Variants in XRN1 observed in about 807,000 individuals in gnomAD.
XRN1 encodes the protein 5'-3' exoribonuclease 1, also known as strand-exchange protein 1 homolog.
Under a neutral mutation model 222.3 loss-of-function variants are expected in XRN1, and 67 were observed. The observed-to-expected ratio is 0.30, with a 90% CI of 0.25 to 0.37. The LOEUF is 0.37. Among genes scored for constraint, XRN1 ranks in the 10% least tolerant of loss-of-function variants. The pLI is 1.00. For synonymous variants in XRN1, 643 were observed against 652.4 expected (o/e 0.99, Z 0.22); for missense variants, 1,707 against 2,000.2 (o/e 0.85, Z 2.80).
At chr3:142,356,443 C>T (rs2066468219) in intron 31 of XRN1, among the ~76,000 whole-genome samples, 1 of 152,052 alleles carries the variant, frequency 6.6e-6, no homozygotes, top group Non-Finnish European at 1.5e-5. Context: ...GTGTCTCACA[C>T]AAGACAACTC....
intron 16 of XRN1, 39 bp from the exon 17 acceptor site, chr3:142,404,028 C>A: frequency 6.8e-7 from 1 of 1,467,566 alleles, no homozygotes; most frequent in Admixed American, 1.8e-5. Flanking sequence ...AAAATTAATA[C>A]ATTACAAACA....
chr3:142,339,881 C>T (rs2065944401), intron 33 of XRN1, among the ~76,000 whole-genome samples: 1 of 152,050 alleles, frequency 6.6e-6, no homozygotes, highest in South Asian at 2.1e-4. Flanking sequence ...CTAGATAACA[C>T]AGAGAAAGAA....
intron 16 of XRN1, 71 bp downstream of exon 16, chr3:142,404,836 C>G: frequency 1.4e-6 from 2 of 1,459,258 alleles, no homozygotes; most frequent in Non-Finnish European, 1.9e-6. Context: ...CAAAGCTCCC[C>G]CTTCACCACT....
intron 1 of XRN1, among the ~76,000 whole-genome samples, chr3:142,443,731 TA>T (rs1479236602): frequency 6.6e-6 from 1 of 152,266 alleles, no homozygotes; most frequent in Non-Finnish European, 1.5e-5. Context: ...CTATCTGTGT[TA>T]ATATAACCCA....
At chr3:142,402,226 A>G (rs940670841) in intron 18 of XRN1, among the ~76,000 whole-genome samples, 1 of 151,778 alleles carries the variant, frequency 6.6e-6, no homozygotes, top group Non-Finnish European at 1.5e-5. Context: ...CTTGTCACCC[A>G]GGCTGGAGTG....
intron 11 of XRN1, 58 bp downstream of exon 11, chr3:142,418,757 G>A (rs958141872): frequency 6.4e-7 from 1 of 1,564,640 alleles, no homozygotes; most frequent in Middle Eastern, 1.7e-4. Context: ...ATAAATAAAA[G>A]GTATAACAAT....
intron 20 of XRN1, among the ~76,000 whole-genome samples, chr3:142,395,933 G>C (rs1390256742): frequency 1.3e-5 from 2 of 152,062 alleles, no homozygotes; most frequent in Non-Finnish European, 2.9e-5. Context: ...TCAGCATTCA[G>C]ATATCGATTT....
rs143621458 is a variant in XRN1, at chr3:142,447,047, C to A, written c.75+823G>T. Among the ~76,000 whole-genome samples, 423 of 152,178 alleles carry A rather than the reference C, an allele frequency of 2.8e-3. 6 individuals are homozygous for A. The highest frequency in any genetic ancestry group is 0.017 in the Admixed American group (260 of 15,278). On this transcript the variant is annotated intron_variant, in intron 1 of 40. Coordinates refer to ENST00000392981, the MANE Select transcript of XRN1 (RefSeq NM_001282857.2). This position sits in a 1 kb window ranked among gnomAD's most constrained non-coding sequence, Gnocchi z 4.2. ...AATGTGACAAACACCAAAGTATCAC[C>A]CAAAGTCTAGTTTACCTAATAGACG...
intron 20 of XRN1, among the ~76,000 whole-genome samples, chr3:142,389,622 C>A (rs1049331329): frequency 1.3e-5 from 2 of 152,090 alleles, no homozygotes; most frequent in Admixed American, 1.3e-4. Context: ...CAGGTTCAAG[C>A]GATTCTACTG....
At chr3:142,331,649 G>A (rs2065698652) in intron 36 of XRN1, among the ~76,000 whole-genome samples, 1 of 152,172 alleles carries the variant, frequency 6.6e-6, no homozygotes, top group Non-Finnish European at 1.5e-5. Flanking sequence ...GAGGACAAAA[G>A]CTAGAATGTG....
chr3:142,395,327 C>T (rs952655543), intron 20 of XRN1, among the ~76,000 whole-genome samples: 1 of 152,192 alleles, frequency 6.6e-6, no homozygotes, highest in Non-Finnish European at 1.5e-5. Flanking sequence ...CCTAAGTGCT[C>T]ATGAATCCAC....
chr3:142,365,676 C>CATATCTA (rs2066792478), intron 27 of XRN1, among the ~76,000 whole-genome samples: 1 of 151,920 alleles, frequency 6.6e-6, no homozygotes, highest in Non-Finnish European at 1.5e-5. Context: ...ATAACTATAC[C>CATATCTA]TGGTTCAAGA....
intron 40 of XRN1, 51 bp downstream of exon 40, chr3:142,312,547 A>C: frequency 7.0e-7 from 1 of 1,431,642 alleles, no homozygotes; most frequent in Non-Finnish European, 9.2e-7. Flanking sequence ...GTTTATCAAT[A>C]GTCTTTCAGC....
intron 20 of XRN1, among the ~76,000 whole-genome samples, chr3:142,395,920 C>A (rs1373097926): frequency 6.6e-6 from 1 of 152,148 alleles, no homozygotes; most frequent in Non-Finnish European, 1.5e-5. Flanking sequence ...GCCTAACTCC[C>A]AGTCAGCATT....
chr3:142,423,647 T>C lies in XRN1; in HGVS notation c.628-5A>G, dbSNP rs936004080. 6.4e-6 allele frequency: 10 copies of C among 1,560,762 alleles called. No individual in the cohort carries two copies. The highest frequency in any genetic ancestry group is 8.6e-6 in the Non-Finnish European group (10 of 1,158,428). On this transcript the variant is annotated splice_polypyrimidine_tract_variant and splice_region_variant and intron_variant, in intron 5 of 40. Transcript: ENST00000392981. ...ACTTGTTAATCCAAGCATAATCTGT[T>C]GAAAAATGATTAAGAAATGTTTTTA...
At chr3:142,317,932 C>CTA (rs10631871) in intron 39 of XRN1, among the ~76,000 whole-genome samples, 116,439 of 151,938 alleles carry the variant, frequency 0.77, 45,670 homozygotes, top group African/African-American at 0.93. Context: ...GATATTTCTT[C>CTA]TGTCTTCATC....
At chr3:142,444,516 C>T (rs2108220067) in intron 1 of XRN1, among the ~76,000 whole-genome samples, 1 of 152,102 alleles carries the variant, frequency 6.6e-6, no homozygotes, top group South Asian at 2.1e-4. Context: ...GGCTAAGGCA[C>T]AAGACTTGCT....
chr3:142,426,647 C>A, intron 3 of XRN1, 97 bp downstream of exon 3: 1 of 1,209,852 alleles, frequency 8.3e-7, no homozygotes, highest in Non-Finnish European at 1.2e-6. Context: ...AACCCTAAGG[C>A]CAAAATAAAT....
intron 29 of XRN1, among the ~76,000 whole-genome samples, chr3:142,360,871 C>T (rs1438156601): frequency 4.8e-5 from 1 of 20,740 alleles, no homozygotes; most frequent in Non-Finnish European, 9.0e-5. Flanking sequence ...GAGACTCCGT[C>T]TCAAAAAAAA....
Sources: gnomAD v4.1 joint callset for allele counts (sites outside exome capture counted in the v4.1 genomes callset) on GRCh38, gnomAD v4.1.1 for gene constraint, Gnocchi (gnomAD v3.1) non-coding constraint, MANE v1.5 for transcripts, NCBI Gene and HGNC (gene_info 2026-07-23, HGNC 2026-07-21) for gene names.